SOCS6: variants seen among roughly 807,000 people sequenced by gnomAD.
The protein encoded by SOCS6 is suppressor of cytokine signaling 6.
In SOCS6, 5 loss-of-function variants were observed where a neutral mutation model predicts 27.7. The observed-to-expected ratio is 0.18, with a 90% CI of 0.09 to 0.38. The LOEUF is 0.38. Ranked by LOEUF, SOCS6 falls within the 10% of genes least tolerant of loss-of-function variation. SOCS6 has a pLI of 1.00. For synonymous variants in SOCS6, 271 were observed against 260.0 expected, an observed-to-expected ratio of 1.04 and a Z score of -0.41; for missense variants, 595 against 688.1, an observed-to-expected ratio of 0.86 and a Z score of 1.51.
At chr18:70,290,740 G>T (rs1382203898) in intron 1 of SOCS6, among the ~76,000 whole-genome samples, 1 of 152,174 alleles carries the variant, frequency 6.6e-6, no homozygotes, top group African/African-American at 2.4e-5. Flanking sequence ...GGTCAGCCAG[G>T]TATTCACCCG....
intron 1 of SOCS6, among the ~76,000 whole-genome samples, chr18:70,308,394 T>TA (rs939871038): frequency 6.6e-6 from 1 of 151,826 alleles, no homozygotes; most frequent in African/African-American, 2.4e-5. Context: ...ATTTTTTTTT[T>TA]AATTTTTTGC....
intron 1 of SOCS6, among the ~76,000 whole-genome samples, chr18:70,315,726 G>A (rs952078450): frequency 5.3e-5 from 8 of 151,888 alleles, no homozygotes; most frequent in Admixed American, 1.3e-4. Flanking sequence ...TATAATTAGC[G>A]ACTTCTTGAA....
At chr18:70,308,896 A>C (rs1216364668) in intron 1 of SOCS6, among the ~76,000 whole-genome samples, 1 of 152,172 alleles carries the variant, frequency 6.6e-6, no homozygotes, top group Admixed American at 6.6e-5. Flanking sequence ...TATTATTTAC[A>C]TGGAAATTTT....
intron 1 of SOCS6, among the ~76,000 whole-genome samples, chr18:70,304,427 G>A (rs1274296193): frequency 2.6e-5 from 4 of 152,096 alleles, no homozygotes; most frequent in Non-Finnish European, 5.9e-5. Context: ...ATTCCCACCA[G>A]CAGTGTATAA....
In SOCS6 at chr18:70,330,081, T is replaced by C. The variant is rs1384336366; in HGVS notation, c.*3805T>C. The stretch of plus-strand genomic sequence containing the variant: ...TCCAAAGTCCATTGATTTTAATACG[T>C]GTTTTGGTTTGTAAACAAATTATAG... On this transcript the variant is annotated 3_prime_UTR_variant, in exon 2 of 2. Transcript: ENST00000397942. The C allele has an allele frequency of 3.0e-5, 5 of 167,104 alleles. No homozygotes were observed. The highest frequency in any genetic ancestry group is 7.3e-5 in the Non-Finnish European group (5 of 68,116). The allele number at this position is 167,104 out of a possible 1,614,324, so 10.4% of individuals were successfully genotyped here.
Position 70,325,962 on chromosome 18 carries a change from A to C in SOCS6, c.1294A>C (p.Arg432=). The C allele has an allele frequency of 6.2e-7, 1 of 1,614,266 alleles. No individual in the cohort carries two copies. The highest frequency in any genetic ancestry group is 8.5e-7 in the Non-Finnish European group (1 of 1,180,042). ...CTCCCATGGTAAAACACTTCACACT[A>C]GAATTGAGCACTCAAATGGTAGGTT... The part of the protein sequence containing the change: ...FRSHGKTLHT[R]IEHSNGRFSF... Residue 432 remains arginine (R), a synonymous_variant, in exon 2 of 2, where the codon AGA becomes CGA. Coordinates refer to ENST00000397942, the MANE Select transcript of SOCS6 (RefSeq NM_004232.4). This position sits in a 1 kb window ranked among gnomAD's most constrained non-coding sequence, Gnocchi z 6.3.
At chr18:70,323,061 G>A (rs1470843179) in intron 1 of SOCS6, among the ~76,000 whole-genome samples, 1 of 152,230 alleles carries the variant, frequency 6.6e-6, no homozygotes, top group African/African-American at 2.4e-5. Flanking sequence ...CTCAGCAGAG[G>A]CCGAGTAGGG....
At chr18:70,321,720 A>C (rs1911001860) in intron 1 of SOCS6, among the ~76,000 whole-genome samples, 2 of 152,086 alleles carry the variant, frequency 1.3e-5, no homozygotes, top group Non-Finnish European at 2.9e-5. Flanking sequence ...TTTTAAGAGA[A>C]TAAAGGGGTT....
chr18:70,320,031 G>T lies in SOCS6; in HGVS notation c.-126-4512G>T, dbSNP rs535844807. Among the ~76,000 whole-genome samples the T allele has an allele frequency of 2.0e-5, 3 of 150,784 alleles. No homozygotes were observed. The East Asian group carries it at 5.8e-4, about 29-fold the overall frequency. On this transcript the variant is annotated intron_variant, in intron 1 of 1. Transcript: ENST00000397942. ...TTTTTGAGATGGAGTCTTGCTTGTT[G>T]CCCAGGCTGGAGTGCAGTGGTGTGA... is the stretch of plus-strand genomic sequence containing the variant.
chr18:70,326,000 A>G lies in SOCS6; in HGVS notation c.1332A>G (p.Glu444=). ...EHSNGRFSFY[E]QPDVEGHTSI... ...CAAATGGTAGGTTTAGCTTTTATGA[A>G]CAGCCAGATGTGGAAGGACATACGT... The change falls in exon 2 of 2, where the codon GAA becomes GAG. Residue 444 remains glutamate, a synonymous_variant. Transcript: ENST00000397942. The surrounding 1 kb of genome is among the most constrained non-coding windows in gnomAD (Gnocchi z 6.3). The G allele has an allele frequency of 6.2e-7, 1 of 1,614,234 alleles. No individual in the cohort carries two copies. Among genetic ancestry groups the G allele is most frequent in the Non-Finnish European group, 8.5e-7 (1 of 1,180,036 alleles).
chr18:70,321,486 ATTTTTTTT>A (rs765150837), intron 1 of SOCS6, among the ~76,000 whole-genome samples: 2 of 112,636 alleles, frequency 1.8e-5, no homozygotes, highest in African/African-American at 3.6e-5. Flanking sequence ...ATGCCTGGCT[ATTTTTTTT>A]TTTTTTTTTT....
intron 1 of SOCS6, among the ~76,000 whole-genome samples, chr18:70,321,010 C>T (rs1393250772): frequency 6.6e-6 from 1 of 152,038 alleles, no homozygotes; most frequent in Non-Finnish European, 1.5e-5. Context: ...GGCATAGTGG[C>T]TCATACCTGT....
chr18:70,294,419 G>T (rs914569140), intron 1 of SOCS6, among the ~76,000 whole-genome samples: 19 of 151,794 alleles, frequency 1.3e-4, no homozygotes, highest in Non-Finnish European at 1.8e-4. Flanking sequence ...TTTTGGCTGT[G>T]GGAGTTTTGT....
At chr18:70,312,686 T>A (rs1333909851) in intron 1 of SOCS6, among the ~76,000 whole-genome samples, 1 of 152,188 alleles carries the variant, frequency 6.6e-6, no homozygotes. Context: ...TTGTATTTTG[T>A]TGAGTTTTGA....
At chr18:70,302,766 C>T (rs1227543727) in intron 1 of SOCS6, among the ~76,000 whole-genome samples, 1 of 124,422 alleles carries the variant, frequency 8.0e-6, no homozygotes, top group Non-Finnish European at 1.7e-5. Flanking sequence ...ATATATACAC[C>T]AGTATAAAAA....
In SOCS6 at chr18:70,326,712, T is replaced by G. The variant is rs1257282423; in HGVS notation, c.*436T>G. The stretch of plus-strand genomic sequence containing the variant: ...AATGGTCCATTTTCAAAAGACAGTG[T>G]TGAATAAACATACCTGTGTGATAAA... On this transcript the variant is annotated 3_prime_UTR_variant, in exon 2 of 2. Coordinates refer to ENST00000397942, the MANE Select transcript of SOCS6 (RefSeq NM_004232.4). 1 of 181,328 alleles carries G rather than the reference T, an allele frequency of 5.5e-6. No homozygotes were observed. Among genetic ancestry groups the G allele is most frequent in the African/African-American group, 2.4e-5 (1 of 41,622 alleles). The allele number at this position is 181,328 out of a possible 1,614,324, so 11.2% of individuals were successfully genotyped here.
chr18:70,323,144 T>G (rs143327237), intron 1 of SOCS6, among the ~76,000 whole-genome samples: 44 of 152,234 alleles, frequency 2.9e-4, no homozygotes, highest in African/African-American at 9.9e-4. Context: ...AGAAACTGAG[T>G]GGCGCTAAAC....
At chr18:70,322,688 A>G (rs1035246111) in intron 1 of SOCS6, among the ~76,000 whole-genome samples, 1 of 152,192 alleles carries the variant, frequency 6.6e-6, no homozygotes, top group Non-Finnish European at 1.5e-5. Context: ...TGGTGCTTCA[A>G]ATATTTTAAG....
chr18:70,320,863 TAGTC>T (rs1910960261), intron 1 of SOCS6, among the ~76,000 whole-genome samples: 1 of 152,218 alleles, frequency 6.6e-6, no homozygotes, highest in Non-Finnish European at 1.5e-5. Flanking sequence ...TGTCTTCCTT[TAGTC>T]AGGCAGAAGA....
Sources: allele counts gnomAD v4.1 joint callset (sites outside exome capture counted in the v4.1 genomes callset), GRCh38; gene constraint gnomAD v4.1.1; non-coding constraint Gnocchi (gnomAD v3.1); transcripts MANE v1.5; gene names NCBI Gene and HGNC (gene_info 2026-07-23, HGNC 2026-07-21).